SLC38A9: variants seen among roughly 807,000 people sequenced by gnomAD.
SLC38A9 encodes neutral amino acid transporter 9.
A neutral mutation model predicts 62.3 loss-of-function variants in SLC38A9; 48 were observed. That is an observed-to-expected ratio of 0.77 (90% CI 0.61 to 0.98). SLC38A9 has a LOEUF of 0.98. Ranked by LOEUF, SLC38A9 falls within the 50% of genes least tolerant of loss-of-function variation. The pLI, the probability that SLC38A9 is intolerant of heterozygous loss-of-function variation, is 0.00. For synonymous variants in SLC38A9, 204 were observed against 227.7 expected (o/e 0.90, Z 0.94); for missense variants, 541 against 679.8 (o/e 0.80, Z 2.27).
At position 55,683,165 on chromosome 5, in the gene SLC38A9, G is replaced by A. The variant is rs75114143; in HGVS notation, c.114-10470C>T. Among the ~76,000 whole-genome samples, 493 of 152,232 alleles carry A rather than the reference G, an allele frequency of 3.2e-3. 10 individuals are homozygous for A. The East Asian group carries it at 0.058, about 18-fold the overall frequency. On this transcript the variant is annotated intron_variant, in intron 3 of 15. Coordinates refer to ENST00000396865, the MANE Select transcript of SLC38A9 (RefSeq NM_173514.4). ...ATACTATGTGATCTCACCTAAAAAC[G>A]TCATAGAAAAGAAGGCTAGGAGTAA...
chr5:55,689,313 TA>T (rs1176613961), intron 3 of SLC38A9, among the ~76,000 whole-genome samples: 1 of 152,090 alleles, frequency 6.6e-6, no homozygotes, highest in Non-Finnish European at 1.5e-5. Flanking sequence ...AGAATGAGAC[TA>T]AAAAAAGTAT....
intron 3 of SLC38A9, among the ~76,000 whole-genome samples, chr5:55,685,198 G>A (rs553602583): frequency 2.0e-5 from 3 of 152,254 alleles, no homozygotes; most frequent in African/African-American, 7.2e-5. Context: ...ATTGATGACT[G>A]TACAGCCATC....
intron 12 of SLC38A9, among the ~76,000 whole-genome samples, chr5:55,638,376 C>T (rs1323116228): frequency 6.6e-6 from 1 of 151,828 alleles, no homozygotes; most frequent in Admixed American, 6.6e-5. Context: ...AAACGAGGCT[C>T]AAAGTAAAAA....
chr5:55,631,074 A>T (rs1743351083), intron 14 of SLC38A9, among the ~76,000 whole-genome samples: 2 of 152,218 alleles, frequency 1.3e-5, no homozygotes, highest in African/African-American at 4.8e-5. Context: ...CAGGGGTTGC[A>T]GTGAGCCAAG....
intron 3 of SLC38A9, chr5:55,691,251 T>C: frequency 8.2e-7 from 1 of 1,217,356 alleles, no homozygotes; most frequent in Non-Finnish European, 1.2e-6. Flanking sequence ...CTCTGACATA[T>C]CCAATTGTTT....
intron 2 of SLC38A9, among the ~76,000 whole-genome samples, chr5:55,700,301 A>G (rs1756472107): frequency 1.3e-5 from 2 of 151,048 alleles, no homozygotes; most frequent in Admixed American, 1.3e-4. Flanking sequence ...AGACTGCACC[A>G]CTGCACTCCA....
At chr5:55,651,248 C>CTTTTTTTTTT (rs1157691760) in intron 10 of SLC38A9, among the ~76,000 whole-genome samples, 47 of 117,612 alleles carry the variant, frequency 4.0e-4, no homozygotes, top group African/African-American at 1.3e-3. Flanking sequence ...CTTTTGCCAT[C>CTTTTTTTTTT]TTTTTTTTTT....
At chr5:55,647,519 CAA>C (rs1202746656) in intron 11 of SLC38A9, among the ~76,000 whole-genome samples, 2 of 152,240 alleles carry the variant, frequency 1.3e-5, no homozygotes, top group South Asian at 2.1e-4. Flanking sequence ...ATAAAATAAA[CAA>C]ATCTAAATAA....
At chr5:55,690,010 G>A (rs1230660342) in intron 3 of SLC38A9, among the ~76,000 whole-genome samples, 5 of 151,682 alleles carry the variant, frequency 3.3e-5, no homozygotes, top group African/African-American at 9.7e-5. Context: ...GATACAAAAG[G>A]GCAATTAAGC....
chr5:55,695,098 G>C (rs973859732), intron 3 of SLC38A9, among the ~76,000 whole-genome samples: 2 of 152,210 alleles, frequency 1.3e-5, no homozygotes, highest in South Asian at 4.2e-4. Flanking sequence ...TAAGTCCTAA[G>C]AGGTTATTGC....
At chr5:55,632,787 T>C (rs1178524249) in intron 14 of SLC38A9, among the ~76,000 whole-genome samples, 1 of 152,142 alleles carries the variant, frequency 6.6e-6, no homozygotes, top group Non-Finnish European at 1.5e-5. Context: ...GAGAGGGTCC[T>C]GCCCCAGACG....
chr5:55,660,987 C>T (rs1363946912), intron 8 of SLC38A9, among the ~76,000 whole-genome samples: 1 of 148,050 alleles, frequency 6.8e-6, no homozygotes, highest in Non-Finnish European at 1.5e-5. Flanking sequence ...ATAAAAACTG[C>T]ATATTTGTAT....
chr5:55,693,758 A>G (rs1755050842), intron 3 of SLC38A9, among the ~76,000 whole-genome samples: 1 of 152,114 alleles, frequency 6.6e-6, no homozygotes, highest in Non-Finnish European at 1.5e-5. Context: ...ATAATCTAGA[A>G]CACTTTTTCA....
In SLC38A9 at chr5:55,659,500, G is replaced by A. The variant is rs1010972984; in HGVS notation, c.698-2726C>T. ...CCTCCTGGGTTCAAGCCATTCTCCTGCCTCAGCCTCCTGAGTAGCAGTGAT... is the reference window on the plus strand; with the variant it reads ...CCTCCTGGGTTCAAGCCATTCTCCTACCTCAGCCTCCTGAGTAGCAGTGAT... On this transcript the variant is annotated intron_variant, in intron 8 of 15. Coordinates refer to ENST00000396865, the MANE Select transcript of SLC38A9 (RefSeq NM_173514.4). Among the ~76,000 whole-genome samples, 11 of 149,762 alleles carry A rather than the reference G, an allele frequency of 7.3e-5. 1 individual carries two copies. Among genetic ancestry groups the A allele is most frequent in the Admixed American group, 6.8e-4 (10 of 14,748 alleles).
At chr5:55,655,120 G>A (rs904712016) in intron 9 of SLC38A9, among the ~76,000 whole-genome samples, 5 of 152,130 alleles carry the variant, frequency 3.3e-5, no homozygotes, top group Non-Finnish European at 7.4e-5. Context: ...AATCAAAAGC[G>A]TGAGCCACCA....
At chr5:55,685,356 C>T (rs946809035) in intron 3 of SLC38A9, among the ~76,000 whole-genome samples, 1 of 152,164 alleles carries the variant, frequency 6.6e-6, no homozygotes, top group Non-Finnish European at 1.5e-5. Context: ...TGGAATCATA[C>T]AATATGTAGT....
chr5:55,667,837 C>G (rs1325305369), intron 7 of SLC38A9, among the ~76,000 whole-genome samples: 6 of 152,136 alleles, frequency 3.9e-5, no homozygotes, highest in African/African-American at 1.4e-4. Context: ...TCAAGCAATT[C>G]TCGTGCCTCA....
At chr5:55,663,142 G>T (rs1181607408) in intron 8 of SLC38A9, among the ~76,000 whole-genome samples, 1 of 151,752 alleles carries the variant, frequency 6.6e-6, no homozygotes, top group African/African-American at 2.4e-5. Context: ...TGTTCCACCA[G>T]CCTCGTCCTC....
chr5:55,662,453 C>T (rs566286652), intron 8 of SLC38A9, among the ~76,000 whole-genome samples: 20 of 152,060 alleles, frequency 1.3e-4, no homozygotes, highest in Middle Eastern at 3.4e-3. Context: ...GGGCGGATCA[C>T]GACGTCAGGA....
Sources: gnomAD v4.1 joint callset for allele counts (sites outside exome capture counted in the v4.1 genomes callset) on GRCh38, gnomAD v4.1.1 for gene constraint, MANE v1.5 for transcripts, NCBI Gene and HGNC (gene_info 2026-07-23, HGNC 2026-07-21) for gene names.